ADAMTSL3: variants seen among roughly 807,000 people sequenced by gnomAD.
The protein encoded by ADAMTSL3 is ADAMTS-like protein 3.
Under a neutral mutation model 201.7 loss-of-function variants are expected in ADAMTSL3, and 128 were observed. That is an observed-to-expected ratio of 0.63 (90% CI 0.55 to 0.73). The LOEUF is 0.73. Among genes scored for constraint, ADAMTSL3 ranks in the 30% least tolerant of loss-of-function variants. The pLI, the probability that ADAMTSL3 is intolerant of heterozygous loss-of-function variation, is 0.00. For missense variants in ADAMTSL3, 1,990 were observed against 2,119.6 expected (o/e 0.94, Z 1.20); for synonymous variants, 738 against 748.4 (o/e 0.99, Z 0.23).
intron 15 of ADAMTSL3, 67 bp downstream of exon 15, chr15:83,899,798 G>A: frequency 6.4e-7 from 1 of 1,554,354 alleles, no homozygotes. Context: ...TGTAATTTTT[G>A]TACTCATTGG....
At chr15:83,674,793 C>G (rs1463406506) in intron 2 of ADAMTSL3, among the ~76,000 whole-genome samples, 1 of 69,988 alleles carries the variant, frequency 1.4e-5, no homozygotes, top group Admixed American at 1.7e-4. Context: ...ATATATAAAT[C>G]TTGCTGGAAT....
chr15:83,877,792 C>T (rs868452444), intron 9 of ADAMTSL3, among the ~76,000 whole-genome samples: 1 of 151,972 alleles, frequency 6.6e-6, no homozygotes, highest in Non-Finnish European at 1.5e-5. Flanking sequence ...TACTCTATGT[C>T]ATTAATATCT....
At chr15:83,950,378 T>G (rs138934021) in intron 19 of ADAMTSL3, among the ~76,000 whole-genome samples, 30 of 152,322 alleles carry the variant, frequency 2.0e-4, no homozygotes, top group African/African-American at 7.0e-4. Flanking sequence ...TCTGTTTTTA[T>G]ACCAGTACTA....
Position 84,034,641 on chromosome 15 carries a change from A to G in ADAMTSL3, c.4755-2132A>G, listed in dbSNP as rs374765741. 1.3e-3 allele frequency among the ~76,000 whole-genome samples: 205 copies of G among 152,262 alleles called. 9 individuals carry two copies. The South Asian group carries it at 0.042, about 31-fold the overall frequency. ...TGTAAAATAAAGATGCTTGGGCCTC[A>G]CCTCAGGCAGTGAATCAGAACCTTC... On this transcript the variant is annotated intron_variant, in intron 28 of 29. Transcript: ENST00000286744.
At chr15:83,999,270 C>G (rs144088858) in intron 23 of ADAMTSL3, among the ~76,000 whole-genome samples, 1 of 152,152 alleles carries the variant, frequency 6.6e-6, no homozygotes, top group South Asian at 2.1e-4. Context: ...TTTTTGGAAA[C>G]TTAAACCATT....
chr15:83,763,977 C>T (rs1194166896), intron 3 of ADAMTSL3, among the ~76,000 whole-genome samples: 1 of 152,224 alleles, frequency 6.6e-6, no homozygotes, highest in East Asian at 1.9e-4. Context: ...AATCCTACCT[C>T]AAGGGTGGGC....
chr15:83,868,110 C>G (rs1404906719), intron 8 of ADAMTSL3, among the ~76,000 whole-genome samples: 1 of 152,140 alleles, frequency 6.6e-6, no homozygotes, highest in African/African-American at 2.4e-5. Flanking sequence ...GGCTCACACT[C>G]TCTTCCCTTA....
intron 26 of ADAMTSL3, among the ~76,000 whole-genome samples, chr15:84,024,279 G>A (rs1007966199): frequency 3.3e-5 from 5 of 152,020 alleles, no homozygotes; most frequent in African/African-American, 9.7e-5. Flanking sequence ...AAACATACAA[G>A]ATCTGATATA....
At chr15:83,900,924 T>C (rs916849878) in intron 15 of ADAMTSL3, among the ~76,000 whole-genome samples, 24 of 152,196 alleles carry the variant, frequency 1.6e-4, no homozygotes, top group African/African-American at 5.8e-4. Context: ...TCATGCACTG[T>C]TGTTTTTAGA....
intron 3 of ADAMTSL3, among the ~76,000 whole-genome samples, chr15:83,751,175 G>C (rs930602051): frequency 2.6e-5 from 4 of 152,148 alleles, no homozygotes; most frequent in Non-Finnish European, 4.4e-5. Context: ...GGAAAATTGA[G>C]CTGAAATTTG....
chr15:83,787,404 TA>T (rs894779277), intron 4 of ADAMTSL3, among the ~76,000 whole-genome samples: 7 of 152,246 alleles, frequency 4.6e-5, no homozygotes, highest in African/African-American at 1.7e-4. Context: ...TCTGGGTTGA[TA>T]AAAAAACTCC....
intron 19 of ADAMTSL3, among the ~76,000 whole-genome samples, chr15:83,955,252 TC>T: frequency 6.6e-6 from 1 of 152,020 alleles, no homozygotes; most frequent in Non-Finnish European, 1.5e-5. Context: ...TTCCCCCTCT[TC>T]CCTCCCCTTT....
chr15:83,829,546 AG>A (rs1207331380), intron 6 of ADAMTSL3, among the ~76,000 whole-genome samples: 2 of 151,816 alleles, frequency 1.3e-5, no homozygotes, highest in Non-Finnish European at 2.9e-5. Context: ...CTCTGATCTT[AG>A]TTATTTCTTG....
chr15:83,833,202 G>A (rs1247840484), intron 6 of ADAMTSL3, among the ~76,000 whole-genome samples: 1 of 152,150 alleles, frequency 6.6e-6, no homozygotes, highest in Non-Finnish European at 1.5e-5. Context: ...AGTTTGGGCA[G>A]CTGTCACTAG....
At chr15:83,860,211 C>T (rs1280325199) in intron 8 of ADAMTSL3, among the ~76,000 whole-genome samples, 1 of 152,120 alleles carries the variant, frequency 6.6e-6, no homozygotes, top group African/African-American at 2.4e-5. Flanking sequence ...AAGACCATGT[C>T]TCTAAAATAA....
At chr15:83,891,190 A>G (rs2065492026) in intron 11 of ADAMTSL3, 139 bp from the exon 12 acceptor site, 1 of 627,094 alleles carries the variant, frequency 1.6e-6, no homozygotes, top group East Asian at 2.9e-5. Flanking sequence ...ATTTTTGGGA[A>G]TGGTTGATAA....
chr15:83,908,976 T>C (rs1378996476), intron 15 of ADAMTSL3, among the ~76,000 whole-genome samples: 1 of 152,214 alleles, frequency 6.6e-6, no homozygotes, highest in East Asian at 1.9e-4. Context: ...GATCTTCATT[T>C]CCTTGCTGAC....
At chr15:83,889,381 A>C (rs1165508453) in intron 10 of ADAMTSL3, among the ~76,000 whole-genome samples, 1 of 152,226 alleles carries the variant, frequency 6.6e-6, no homozygotes, top group Non-Finnish European at 1.5e-5. Flanking sequence ...CATATCATAA[A>C]ATGTTATGAA....
At chr15:83,892,607 A>G in intron 12 of ADAMTSL3, 77 bp from the exon 13 acceptor site, 3 of 1,437,958 alleles carry the variant, frequency 2.1e-6, no homozygotes, top group Non-Finnish European at 2.9e-6. Flanking sequence ...CCTTAAGGCC[A>G]TACTTTTTGC....
Sources: gnomAD v4.1 joint callset for allele counts (sites outside exome capture counted in the v4.1 genomes callset) on GRCh38, gnomAD v4.1.1 for gene constraint, MANE v1.5 for transcripts, NCBI Gene and HGNC (gene_info 2026-07-23, HGNC 2026-07-21) for gene names.